Variants in PFKL observed in about 807,000 individuals in gnomAD.
PFKL encodes the protein phosphofructokinase, liver type.
PFKL carries 74 observed loss-of-function variants against 92.1 expected under a neutral mutation model. That is an observed-to-expected ratio of 0.80 (90% confidence interval 0.67 to 0.97). The LOEUF is 0.97. Ranked by LOEUF, PFKL falls within the 50% of genes least tolerant of loss-of-function variation. The probability of loss-of-function intolerance (pLI) is 0.00; values close to 1 mark genes in which losing one functional copy is unlikely to be tolerated. For synonymous variants in PFKL, 494 were observed against 456.4 expected, an observed-to-expected ratio of 1.08 and a Z score of -1.05; for missense variants, 1,028 against 1,116.6, an observed-to-expected ratio of 0.92 and a Z score of 1.13.
chr21:44,313,203 G>A, intron 5 of PFKL, 60 bp downstream of exon 5: 1 of 1,579,580 alleles, frequency 6.3e-7, no homozygotes, highest in East Asian at 2.2e-5. Context: ...CGGTGGTGAG[G>A]TGGTCTCAGG....
chr21:44,309,767 G>A (rs943503795), intron 2 of PFKL, among the ~76,000 whole-genome samples: 1 of 152,200 alleles, frequency 6.6e-6, no homozygotes, highest in Non-Finnish European at 1.5e-5. Context: ...AGGGGGCCAG[G>A]CTGGCCTGGC....
chr21:44,325,901 G>C, intron 19 of PFKL, 60 bp from the exon 20 acceptor site: 1 of 1,312,788 alleles, frequency 7.6e-7, no homozygotes, highest in Non-Finnish European at 1.1e-6. Flanking sequence ...CTGCACTGGC[G>C]TTGGCCTTGG....
chr21:44,312,690 G>A (rs964473287), intron 4 of PFKL, among the ~76,000 whole-genome samples: 1 of 152,232 alleles, frequency 6.6e-6, no homozygotes, highest in Non-Finnish European at 1.5e-5. Context: ...TTGGAAAGTG[G>A]CCTCTCGGAG....
chr21:44,316,080 G>A (rs979010049), intron 7 of PFKL, 164 bp from the exon 8 acceptor site: 4 of 652,724 alleles, frequency 6.1e-6, no homozygotes, highest in Non-Finnish European at 1.1e-5. Context: ...CCTCATCTCT[G>A]CCCTCGCGCT....
chr21:44,326,899 C>T lies in PFKL; in HGVS notation c.*37C>T. The T allele has an allele frequency of 6.4e-7, 1 of 1,559,830 alleles. No individual in the cohort carries two copies. Among genetic ancestry groups the T allele is most frequent in the Non-Finnish European group, 8.7e-7 (1 of 1,145,460 alleles). On this transcript the variant is annotated 3_prime_UTR_variant, in exon 22 of 22. Transcript: ENST00000349048. ...CCCACGCCCCTCCCCAGCCCCCACC[C>T]ATGCCAGCGCAGCGCCAGGGCTCAG... is the stretch of plus-strand genomic sequence containing the variant.
At position 44,324,854 on chromosome 21, in the gene PFKL, A is replaced by C. The variant is rs745627179; in HGVS notation, c.1816-2A>C. 3.7e-6 allele frequency: 6 copies of C among 1,607,282 alleles called. No homozygotes were observed. Among genetic ancestry groups the C allele is most frequent in the Non-Finnish European group, 5.1e-6 (6 of 1,177,058 alleles). Reference sequence around the variant, plus strand: ...GCTCATCCGTGTCCGCCCCTCCCGCAGGTCAACGTGGAGCACATGACGGAG... The same window carrying C: ...GCTCATCCGTGTCCGCCCCTCCCGCCGGTCAACGTGGAGCACATGACGGAG... On this transcript the variant is annotated splice_acceptor_variant, in intron 17 of 21. Transcript: ENST00000349048. LOFTEE classifies it high-confidence loss of function.
intron 1 of PFKL, 126 bp from the exon 2 acceptor site, chr21:44,306,555 A>C: frequency 5.5e-5 from 39 of 710,348 alleles, no homozygotes; most frequent in East Asian, 6.0e-5. Flanking sequence ...GCCTTCCCCC[A>C]CCACCCGCCC....
intron 1 of PFKL, 72 bp downstream of exon 1, chr21:44,300,262 C>T (rs937267341): frequency 2.7e-5 from 19 of 706,164 alleles, no homozygotes; most frequent in African/African-American, 1.5e-4. Flanking sequence ...CTCCGGAGCG[C>T]CCGCCGAGCC....
chr21:44,318,561 C>T lies in PFKL; in HGVS notation c.1028C>T (p.Ser343Leu). 1 of 1,566,632 alleles carries T rather than the reference C, an allele frequency of 6.4e-7. No individual in the cohort carries two copies. ...ACVVTLSGNQSVRLPLMECVQ... is the reference protein window; with the variant it reads ...ACVVTLSGNQLVRLPLMECVQ... The stretch of plus-strand genomic sequence containing the variant: ...GTGGTCACCCTCTCGGGGAACCAGT[C>T]AGTGCGGCTGCCCCTCATGGAGTGC... The change falls in exon 10 of 22, where the codon TCA becomes TTA. Residue 343 changes from serine (S) to leucine (L), a missense_variant. Coordinates refer to ENST00000349048, the MANE Select transcript of PFKL (RefSeq NM_002626.6).
In PFKL at chr21:44,318,525, C is replaced by T. The variant is rs762976454; in HGVS notation, c.992C>T (p.Thr331Met). The T allele has an allele frequency of 7.7e-5, 122 of 1,576,704 alleles. No homozygotes were observed. Among genetic ancestry groups the T allele is most frequent in the Middle Eastern group, 1.7e-4 (1 of 5,908 alleles). ...GCGCTGCTGGAAGCCACGCCTGACA[C>T]GCCGGCCTGCGTGGTCACCCTCTCG... Reference protein sequence around the residue: ...VMALLEATPDTPACVVTLSGN... With the variant: ...VMALLEATPDMPACVVTLSGN... The change falls in exon 10 of 22, where the codon ACG (threonine) becomes ATG (methionine). Residue 331 changes from threonine (T) to methionine (M), a missense_variant. Thr to Met is a moderately conservative substitution (Grantham distance 81). Coordinates refer to ENST00000349048, the MANE Select transcript of PFKL (RefSeq NM_002626.6).
In PFKL at chr21:44,327,089, G is replaced by A; in HGVS notation, c.*227G>A. The A allele has an allele frequency of 1.7e-6, 1 of 580,500 alleles. No individual in the cohort carries two copies. Among genetic ancestry groups the A allele is most frequent in the Non-Finnish European group, 3.1e-6 (1 of 323,922 alleles). The allele number at this position is 580,500 out of a possible 1,614,324, so 36.0% of individuals were successfully genotyped here. A position where few individuals can be genotyped will look rare whatever the true frequency, so the allele number is the denominator to read the frequency against. Reference sequence around the variant, plus strand: ...CCAGCAGGAGGACAGAGTGCCCTGGGGCATCCACCTTCCTGCCCAGGGGAC... The same window carrying A: ...CCAGCAGGAGGACAGAGTGCCCTGGAGCATCCACCTTCCTGCCCAGGGGAC... On this transcript the variant is annotated 3_prime_UTR_variant, in exon 22 of 22. Coordinates refer to ENST00000349048, the MANE Select transcript of PFKL (RefSeq NM_002626.6).
intron 1 of PFKL, 38 bp downstream of exon 1, chr21:44,300,228 T>C: frequency 7.2e-6 from 7 of 972,028 alleles, no homozygotes; most frequent in Non-Finnish European, 8.7e-6. Flanking sequence ...GCGCAGGGGG[T>C]GGAGGGCGCC....
At chr21:44,315,838 C>T (rs1568957373) in intron 7 of PFKL, 1 of 240,394 alleles carries the variant, frequency 4.2e-6, no homozygotes, top group South Asian at 5.3e-5. Context: ...CCCCAGGTAC[C>T]TGGCCCAGGC....
Position 44,319,552 on chromosome 21 carries a change from G to C in PFKL, c.1127+137G>C, listed in dbSNP as rs897913451. ...CGCGTCTGAAGATCGAGGGAGGAAG[G>C]GGCCTGCGGGTGGTACAGGAGGCGG... On this transcript the variant is annotated intron_variant, in intron 11 of 21. Coordinates refer to ENST00000349048, the MANE Select transcript of PFKL (RefSeq NM_002626.6). 1.4e-5 allele frequency: 11 copies of C among 759,692 alleles called. No individual in the cohort carries two copies. The Admixed American group carries it at 2.3e-4, about 16-fold the overall frequency. 47.1% of individuals were successfully genotyped at this position (759,692 alleles called of 1,614,324 possible).
chr21:44,317,623 G>A (rs1358150394), intron 9 of PFKL, among the ~76,000 whole-genome samples: 3 of 152,160 alleles, frequency 2.0e-5, no homozygotes, highest in Non-Finnish European at 4.4e-5. Flanking sequence ...ACAGTTGATC[G>A]CCCCTAGCCG....
chr21:44,326,163 G>A lies in PFKL; in HGVS notation c.2094G>A (p.Arg698=). ...GCCACGTGCCTCTGTTTGCAGGACGGGTGTTCGCCAATGCCCCAGACTCGG... is the reference window on the plus strand; with the variant it reads ...GCCACGTGCCTCTGTTTGCAGGACGAGTGTTCGCCAATGCCCCAGACTCGG... ...EKLREVYRKG[R]VFANAPDSAC... The change falls in exon 21 of 22, where the codon CGG becomes CGA. Residue 698 remains arginine (R), a synonymous_variant. Coordinates refer to ENST00000349048, the MANE Select transcript of PFKL (RefSeq NM_002626.6). 6.2e-7 allele frequency: 1 copy of A among 1,612,312 alleles called. No individual in the cohort carries two copies. Among genetic ancestry groups the A allele is most frequent in the Non-Finnish European group, 8.5e-7 (1 of 1,179,400 alleles).
rs942700766 is a variant in PFKL, at chr21:44,325,394, C to T, written c.1989+130C>T. 5 of 661,914 alleles carry T rather than the reference C, an allele frequency of 7.6e-6. No individual in the cohort carries two copies. In the African/African-American group the frequency reaches 9.0e-5, roughly 12 times the overall value. The allele number at this position is 661,914 out of a possible 1,614,324, so 41.0% of individuals were successfully genotyped here. On this transcript the variant is annotated intron_variant, in intron 19 of 21. Coordinates refer to ENST00000349048, the MANE Select transcript of PFKL (RefSeq NM_002626.6). ...CGGCAGGCCCTCGGGCACGTGTGCC[C>T]TTCCCCAGTGAGGGGACCGAGGCCT...
At chr21:44,310,159 C>T (rs577801860) in intron 2 of PFKL, among the ~76,000 whole-genome samples, 17 of 152,226 alleles carry the variant, frequency 1.1e-4, no homozygotes, top group African/African-American at 3.9e-4. Flanking sequence ...CTTCTCCTCT[C>T]CACACCCTTA....
chr21:44,324,698 G>A, intron 17 of PFKL, 43 bp downstream of exon 17: 9 of 1,561,678 alleles, frequency 5.8e-6, no homozygotes, highest in Non-Finnish European at 7.8e-6. Context: ...CTGCCGGCAT[G>A]CCAGCCTGGG....
Sources: allele counts gnomAD v4.1 joint callset (sites outside exome capture counted in the v4.1 genomes callset), GRCh38; gene constraint gnomAD v4.1.1; transcripts MANE v1.5; gene names NCBI Gene and HGNC (gene_info 2026-07-23, HGNC 2026-07-21).